GRK5: variants seen among roughly 807,000 people sequenced by gnomAD.
GRK5 encodes g protein-coupled receptor kinase GRK5.
In GRK5, 40 loss-of-function variants were observed where a neutral mutation model predicts 78.4. The observed-to-expected ratio is 0.51, with a 90% CI of 0.40 to 0.66. GRK5 has a LOEUF of 0.66. GRK5 is among the 30% of genes least tolerant of loss of function. The pLI is 0.00. For missense variants in GRK5, 598 were observed against 759.9 expected (o/e 0.79, Z 2.50); for synonymous variants, 289 against 296.8 (o/e 0.97, Z 0.27).
chr10:119,425,710 C>T (rs148027053), intron 6 of GRK5, among the ~76,000 whole-genome samples: 1,668 of 152,322 alleles, frequency 0.011, 30 homozygotes, highest in African/African-American at 0.038. Flanking sequence ...GTGAGCAGGG[C>T]GCTTCCTTGT....
intron 3 of GRK5, among the ~76,000 whole-genome samples, chr10:119,383,814 T>A (rs997072941): frequency 1.3e-5 from 2 of 152,154 alleles, no homozygotes; most frequent in Non-Finnish European, 2.9e-5. Context: ...TTGTACTAGA[T>A]CCATTGTTTC....
At position 119,452,560 on chromosome 10, in the gene GRK5, G is replaced by T; in HGVS notation, c.1405-111G>T. The T allele has an allele frequency of 7.8e-7, 1 of 1,286,206 alleles. No individual in the cohort carries two copies. Among genetic ancestry groups the T allele is most frequent in the South Asian group, 1.4e-5 (1 of 73,312 alleles). 79.7% of individuals were successfully genotyped at this position (1,286,206 alleles called of 1,614,324 possible). On this transcript the variant is annotated intron_variant, in intron 13 of 15. Transcript: ENST00000392870. This position sits in a 1 kb window ranked among gnomAD's most constrained non-coding sequence, Gnocchi z 4.4. ...CAGCCACTACCCATAGCAGTTCTGG[G>T]GGTGTGTCCTGGGAAGACTCCCTTC...
chr10:119,380,322 C>T (rs548334762), intron 2 of GRK5, among the ~76,000 whole-genome samples: 19 of 152,288 alleles, frequency 1.2e-4, no homozygotes, highest in Admixed American at 2.0e-4. Context: ...ATCCTCATCG[C>T]GGCTTTTCTT....
At chr10:119,423,761 C>T (rs1407666477) in intron 5 of GRK5, among the ~76,000 whole-genome samples, 1 of 152,152 alleles carries the variant, frequency 6.6e-6, no homozygotes, top group African/African-American at 2.4e-5. Context: ...AAGGCATGAG[C>T]ACTGAGGAGC....
chr10:119,373,296 G>C (rs1851575867), intron 2 of GRK5, among the ~76,000 whole-genome samples: 1 of 152,156 alleles, frequency 6.6e-6, no homozygotes, highest in Non-Finnish European at 1.5e-5. Flanking sequence ...TAGGTGATAT[G>C]GTTTGGCTAT....
intron 11 of GRK5, among the ~76,000 whole-genome samples, 170 bp downstream of exon 11, chr10:119,442,258 A>G (rs1158542118): frequency 2.6e-5 from 4 of 152,054 alleles, no homozygotes; most frequent in Admixed American, 6.6e-5. Context: ...AGCCAGGGGG[A>G]GGGGGAGCAC....
intron 15 of GRK5, among the ~76,000 whole-genome samples, chr10:119,454,392 G>A (rs1336885928): frequency 2.6e-5 from 4 of 152,138 alleles, no homozygotes; most frequent in African/African-American, 2.4e-5. Flanking sequence ...CACGGGTGGC[G>A]GCCCACATAT....
chr10:119,280,854 A>C (rs1303078587), intron 1 of GRK5, among the ~76,000 whole-genome samples: 1 of 142,542 alleles, frequency 7.0e-6, no homozygotes, highest in Non-Finnish European at 1.5e-5. Flanking sequence ...ATCCCAGCTC[A>C]CTGCAACCTC....
chr10:119,361,274 C>T (rs1048160160), intron 2 of GRK5, among the ~76,000 whole-genome samples: 1 of 152,100 alleles, frequency 6.6e-6, no homozygotes, highest in African/African-American at 2.4e-5. Flanking sequence ...GCGCCTGGTG[C>T]GGGAACATGA....
intron 2 of GRK5, 63 bp from the exon 3 acceptor site, chr10:119,380,752 G>A: frequency 2.0e-6 from 2 of 1,009,778 alleles, no homozygotes; most frequent in Middle Eastern, 2.9e-4. Flanking sequence ...GTGTGGGAAT[G>A]ACAGGAAGGC....
At chr10:119,284,783 C>T (rs551018007) in intron 1 of GRK5, among the ~76,000 whole-genome samples, 15 of 152,312 alleles carry the variant, frequency 9.8e-5, no homozygotes, top group South Asian at 8.3e-4. Context: ...GCCAGTGACA[C>T]CACGTGTCTC....
At chr10:119,446,911 A>T (rs11814102) in intron 12 of GRK5, among the ~76,000 whole-genome samples, 33,437 of 152,252 alleles carry the variant, frequency 0.22, 4,675 homozygotes, top group African/African-American at 0.39. Flanking sequence ...CATGGGATGA[A>T]TATGAGCAAA....
Position 119,238,162 on chromosome 10 carries a change from A to T in GRK5, c.52+30193A>T, listed in dbSNP as rs2050570728. Among the ~76,000 whole-genome samples, 1 of 152,062 alleles carries T rather than the reference A, an allele frequency of 6.6e-6. No individual in the cohort carries two copies. The highest frequency in any genetic ancestry group is 1.5e-5 in the Non-Finnish European group (1 of 68,002). Reference sequence around the variant, plus strand: ...GAGAGGGTTTTCTGGTCTGAAGAGGAGAGTGTGCCCCTCACAGTAGATGGG... The same window carrying T: ...GAGAGGGTTTTCTGGTCTGAAGAGGTGAGTGTGCCCCTCACAGTAGATGGG... On this transcript the variant is annotated intron_variant, in intron 1 of 15. Coordinates refer to ENST00000392870, the MANE Select transcript of GRK5 (RefSeq NM_005308.3). The surrounding 1 kb of genome is among the most constrained non-coding windows in gnomAD (Gnocchi z 4.7).
chr10:119,213,869 C>A (rs552430556), intron 1 of GRK5, among the ~76,000 whole-genome samples: 1 of 152,286 alleles, frequency 6.6e-6, no homozygotes, highest in East Asian at 1.9e-4. Context: ...TGTTGAAGGA[C>A]CCAGTGCGGA....
rs144432436 is a variant in GRK5, at chr10:119,290,117, C to A, written c.53-36399C>A. Among the ~76,000 whole-genome samples, 1,322 of 152,066 alleles carry A rather than the reference C, an allele frequency of 8.7e-3. 24 individuals carry two copies. Among genetic ancestry groups the A allele is most frequent in the African/African-American group, 0.03 (1,250 of 41,478 alleles). ...ATCCCAGCACTTTGGGAGGCCAAGGCGGGTGGATTGCCTGAGCTCAGGAGT... is the reference window on the plus strand; with the variant it reads ...ATCCCAGCACTTTGGGAGGCCAAGGAGGGTGGATTGCCTGAGCTCAGGAGT... On this transcript the variant is annotated intron_variant, in intron 1 of 15. Coordinates refer to ENST00000392870, the MANE Select transcript of GRK5 (RefSeq NM_005308.3).
chr10:119,320,270 A>C (rs756624347), intron 1 of GRK5, among the ~76,000 whole-genome samples: 4 of 152,206 alleles, frequency 2.6e-5, no homozygotes, highest in Admixed American at 6.5e-5. Flanking sequence ...GGTGACAGAG[A>C]ACAAAGAAAC....
intron 2 of GRK5, among the ~76,000 whole-genome samples, chr10:119,329,549 G>A (rs1850732406): frequency 6.6e-6 from 1 of 152,106 alleles, no homozygotes; most frequent in Non-Finnish European, 1.5e-5. Context: ...TGACCAACAT[G>A]GAGAAGCCCC....
At chr10:119,406,384 C>A in intron 4 of GRK5, 1 of 852,550 alleles carries the variant, frequency 1.2e-6, no homozygotes, top group Non-Finnish European at 1.4e-6. Context: ...GGCCCTGGTC[C>A]TGCTTAGAGT....
intron 1 of GRK5, among the ~76,000 whole-genome samples, chr10:119,305,426 T>C (rs1377624650): frequency 6.6e-6 from 1 of 152,238 alleles, no homozygotes. Flanking sequence ...GCACATGTCC[T>C]AGGCACTGAT....
Sources: allele counts gnomAD v4.1 joint callset (sites outside exome capture counted in the v4.1 genomes callset), GRCh38; gene constraint gnomAD v4.1.1; non-coding constraint Gnocchi (gnomAD v3.1); transcripts MANE v1.5; gene names NCBI Gene and HGNC (gene_info 2026-07-23, HGNC 2026-07-21).